The following WDR59 variants were observed in gnomAD, a reference collection of about 807,000 sequenced individuals.
WDR59 encodes GATOR2 complex protein WDR59.
WDR59 carries 100 observed loss-of-function variants against 131.2 expected under a neutral mutation model. The ratio of observed to expected loss-of-function variants is 0.76; its 90% CI spans 0.65 to 0.90. WDR59 has a LOEUF of 0.90. Ranked by LOEUF, WDR59 falls within the 40% of genes least tolerant of loss-of-function variation. The pLI is 0.00. For missense variants in WDR59, 1,203 were observed against 1,262.2 expected, an observed-to-expected ratio of 0.95 and a Z score of 0.71; for synonymous variants, 601 against 466.2, an observed-to-expected ratio of 1.29 and a Z score of -3.72.
chr16:74,977,602 G>A (rs893421176), intron 1 of WDR59, among the ~76,000 whole-genome samples: 1 of 152,100 alleles, frequency 6.6e-6, no homozygotes, highest in African/African-American at 2.4e-5. Flanking sequence ...GCAGGAGAAT[G>A]GCGTGAACCC....
At position 74,957,698 on chromosome 16, in the gene WDR59, G is replaced by T. The variant is rs1327544509; in HGVS notation, c.105-1088C>A. The stretch of plus-strand genomic sequence containing the variant: ...TTTTCTTTTTAAGTAAAATACCCTT[G>T]GTGTGTGAATCAACATCTCTGCAGC... On this transcript the variant is annotated intron_variant, in intron 2 of 25. Transcript: ENST00000262144. Among the ~76,000 whole-genome samples, 3 of 152,128 alleles carry T rather than the reference G, an allele frequency of 2.0e-5. No individual in the cohort carries two copies. The East Asian group carries it at 5.8e-4, about 29-fold the overall frequency.
At chr16:74,905,933 C>T (rs568111030) in intron 17 of WDR59, among the ~76,000 whole-genome samples, 1 of 152,044 alleles carries the variant, frequency 6.6e-6, no homozygotes, top group African/African-American at 2.4e-5. Flanking sequence ...TTAACAAGCA[C>T]ATCACAAAAA....
chr16:74,898,172 C>T, intron 18 of WDR59, among the ~76,000 whole-genome samples: 1 of 152,288 alleles, frequency 6.6e-6, no homozygotes, highest in East Asian at 1.9e-4. Context: ...ATATGGATTT[C>T]TTTTATGATC....
At chr16:74,980,404 T>C (rs183235678) in intron 1 of WDR59, among the ~76,000 whole-genome samples, 75 of 147,888 alleles carry the variant, frequency 5.1e-4, no homozygotes, top group Non-Finnish European at 9.5e-4. Flanking sequence ...GCCCAGGCTG[T>C]AGTGCAACGG....
rs538909422 is a variant in WDR59 at position 74,905,930 on chromosome 16, G to A, written c.1713-1830C>T. Among the ~76,000 whole-genome samples, 251 of 151,948 alleles carry A rather than the reference G, an allele frequency of 1.7e-3. 6 individuals carry two copies. In the South Asian group the frequency reaches 0.05, roughly 30 times the overall value. ...CCAAAATGGGCAAAATACTTAACAA[G>A]CACATCACAAAAAAAGATACCCAAA... On this transcript the variant is annotated intron_variant, in intron 17 of 25. Transcript: ENST00000262144.
At chr16:74,888,035 T>G in intron 22 of WDR59, 134 bp downstream of exon 22, 6 of 1,196,322 alleles carry the variant, frequency 5.0e-6, no homozygotes, top group Non-Finnish European at 6.8e-6. Context: ...CGAGAATTGC[T>G]TGAACCCAGG....
chr16:74,875,784 C>T (rs759252794), intron 25 of WDR59, among the ~76,000 whole-genome samples: 1 of 152,160 alleles, frequency 6.6e-6, no homozygotes, highest in African/African-American at 2.4e-5. Context: ...CCCTGGATGA[C>T]CCATATCACC....
intron 3 of WDR59, among the ~76,000 whole-genome samples, chr16:74,951,899 C>T (rs556680374): frequency 1.3e-5 from 2 of 152,288 alleles, no homozygotes; most frequent in Non-Finnish European, 1.5e-5. Flanking sequence ...GAAGGTCACA[C>T]ACTCGTCTCC....
chr16:74,949,347 A>T (rs1008402814), intron 5 of WDR59, among the ~76,000 whole-genome samples: 1 of 146,902 alleles, frequency 6.8e-6, no homozygotes, highest in African/African-American at 2.6e-5. Context: ...AAAAAAAAAA[A>T]AAAAAAAGAA....
intron 5 of WDR59, among the ~76,000 whole-genome samples, chr16:74,949,389 G>C (rs999652709): frequency 6.8e-6 from 1 of 147,582 alleles, no homozygotes; most frequent in Non-Finnish European, 1.5e-5. Flanking sequence ...AGGAAAGACA[G>C]GAAGGAAGGG....
chr16:74,979,715 A>G (rs541844385), intron 1 of WDR59, among the ~76,000 whole-genome samples: 1 of 139,014 alleles, frequency 7.2e-6, no homozygotes, highest in South Asian at 2.3e-4. Context: ...TAATTTTTGT[A>G]TTTTTAGTAC....
chr16:74,905,704 A>T (rs920341863), intron 17 of WDR59, among the ~76,000 whole-genome samples: 1 of 151,184 alleles, frequency 6.6e-6, no homozygotes, highest in Non-Finnish European at 1.5e-5. Flanking sequence ...TAATAAATAA[A>T]AAATAAAAAA....
Position 74,905,409 on chromosome 16 carries a change from C to T in WDR59, c.1713-1309G>A, listed in dbSNP as rs891059249. ...AAAAATAAAATAAATAGGCCGGGCA[C>T]GGTGGCTCACGCTCGTAATCCCAGC... is the stretch of plus-strand genomic sequence containing the variant. On this transcript the variant is annotated intron_variant, in intron 17 of 25. Transcript: ENST00000262144. Among the ~76,000 whole-genome samples the T allele has an allele frequency of 3.9e-4, 59 of 151,248 alleles. 1 individual carries two copies. The highest frequency in any genetic ancestry group is 1.9e-4 in the Non-Finnish European group (13 of 67,932).
intron 14 of WDR59, among the ~76,000 whole-genome samples, 170 bp from the exon 15 acceptor site, chr16:74,910,087 C>T (rs149912475): frequency 3.0e-3 from 450 of 151,676 alleles, no homozygotes; most frequent in African/African-American, 0.01. Flanking sequence ...TGTGCCTCAG[C>T]CTCCCGAGTA....
intron 2 of WDR59, among the ~76,000 whole-genome samples, chr16:74,965,107 G>A (rs2033717443): frequency 6.6e-6 from 1 of 151,956 alleles, no homozygotes; most frequent in African/African-American, 2.4e-5. Context: ...GTCTTGCTAT[G>A]TTGCCCAGGC....
intron 7 of WDR59, among the ~76,000 whole-genome samples, chr16:74,941,579 A>T (rs1380936063): frequency 1.3e-5 from 2 of 151,944 alleles, no homozygotes; most frequent in Non-Finnish European, 2.9e-5. Context: ...CTATAGTCCC[A>T]GCTACTGGGG....
chr16:74,964,398 G>C (rs2033683097), intron 2 of WDR59, among the ~76,000 whole-genome samples: 1 of 149,864 alleles, frequency 6.7e-6, no homozygotes, highest in Non-Finnish European at 1.5e-5. Context: ...AAAAGAGCAG[G>C]GAGCTGGAGG....
chr16:74,953,023 C>T (rs772490083), intron 3 of WDR59, among the ~76,000 whole-genome samples: 12 of 152,114 alleles, frequency 7.9e-5, no homozygotes, highest in Non-Finnish European at 1.8e-4. Flanking sequence ...AATCTGGCCT[C>T]TGACCTCTCC....
chr16:74,887,622 CA>C, intron 23 of WDR59, 60 bp downstream of exon 23: 1 of 1,487,844 alleles, frequency 6.7e-7, no homozygotes, highest in South Asian at 1.1e-5. Flanking sequence ...CTAAAGGTTA[CA>C]TATGCACAGC....
Sources: allele counts gnomAD v4.1 joint callset (sites outside exome capture counted in the v4.1 genomes callset), GRCh38; gene constraint gnomAD v4.1.1; transcripts MANE v1.5; gene names NCBI Gene and HGNC (gene_info 2026-07-23, HGNC 2026-07-21).